MCFD2: variants seen among roughly 807,000 people sequenced by gnomAD.
The protein encoded by MCFD2 is multiple coagulation factor deficiency protein 2.
Under a neutral mutation model 12.8 loss-of-function variants are expected in MCFD2, and 11 were observed. The ratio of observed to expected loss-of-function variants is 0.86; its 90% CI spans 0.54 to 1.42. The LOEUF is 1.42. Among genes scored for constraint, MCFD2 ranks in the 40% most tolerant of loss-of-function variants. The pLI, the probability that MCFD2 is intolerant of heterozygous loss-of-function variation, is 0.00. For synonymous variants in MCFD2, 70 were observed against 68.1 expected (o/e 1.03, Z -0.14); for missense variants, 191 against 178.6 (o/e 1.07, Z -0.40).
chr2:46,931,555 A>C (rs1343889967), intron 1 of MCFD2, among the ~76,000 whole-genome samples: 1 of 152,168 alleles, frequency 6.6e-6, no homozygotes, highest in African/African-American at 2.4e-5. Context: ...ATGGAAGCAA[A>C]GGTTGGAGTG....
chr2:46,938,060 C>T (rs537075250), intron 1 of MCFD2, among the ~76,000 whole-genome samples: 1 of 151,818 alleles, frequency 6.6e-6, no homozygotes, highest in Non-Finnish European at 1.5e-5. Context: ...GGCCTTAAAC[C>T]AGAAATAGGG....
intron 1 of MCFD2, among the ~76,000 whole-genome samples, chr2:46,926,136 T>C (rs1669371462): frequency 6.6e-6 from 1 of 152,156 alleles, no homozygotes; most frequent in Admixed American, 6.5e-5. Flanking sequence ...TTTCTTAGCA[T>C]TCCCTCCACA....
At chr2:46,923,616 G>A (rs1485682759) in intron 1 of MCFD2, among the ~76,000 whole-genome samples, 1 of 152,160 alleles carries the variant, frequency 6.6e-6, no homozygotes, top group Non-Finnish European at 1.5e-5. Context: ...AATTGACCAG[G>A]TGTGATGGTT....
intron 1 of MCFD2, among the ~76,000 whole-genome samples, chr2:46,936,405 C>T (rs908205534): frequency 6.6e-6 from 1 of 152,086 alleles, no homozygotes; most frequent in African/African-American, 2.4e-5. Flanking sequence ...TTTTCTCAGA[C>T]GTGTCTTATT....
In MCFD2 at chr2:46,904,335, C is replaced by T; in HGVS notation, c.*1128G>A. 6.7e-6 allele frequency: 1 copy of T among 150,006 alleles called. No individual in the cohort carries two copies. The highest frequency in any genetic ancestry group is 1.4e-5 in the Non-Finnish European group (1 of 69,842). 9.3% of individuals were successfully genotyped at this position (150,006 alleles called of 1,614,324 possible). A position where few individuals can be genotyped will look rare whatever the true frequency, so the allele number is the denominator to read the frequency against. The stretch of plus-strand genomic sequence containing the variant: ...GCCTAGTGGAGCTGTGAGAAGAGGG[C>T]CACCGTCCTCCAGACCCCAGAATGG... On this transcript the variant is annotated 3_prime_UTR_variant, in exon 4 of 4. Coordinates refer to ENST00000319466, the MANE Select transcript of MCFD2 (RefSeq NM_139279.6).
chr2:46,907,994 G>A lies in MCFD2; in HGVS notation c.150-25C>T, dbSNP rs1341585752. ...CCTAAAAATCAACAGTCAGGTTCAG[G>A]CCAATTGACAGATACTGGGATCATG... On this transcript the variant is annotated intron_variant, in intron 2 of 3. Transcript: ENST00000319466. The surrounding 1 kb of genome is among the most constrained non-coding windows in gnomAD (Gnocchi z 4.1). The A allele has an allele frequency of 6.2e-7, 1 of 1,613,236 alleles. No individual in the cohort carries two copies. The highest frequency in any genetic ancestry group is 1.7e-5 in the Admixed American group (1 of 59,984).
chr2:46,908,945 A>G lies in MCFD2; in HGVS notation c.149+78T>C. On this transcript the variant is annotated intron_variant, in intron 2 of 3. Transcript: ENST00000319466. The surrounding 1 kb of genome is among the most constrained non-coding windows in gnomAD (Gnocchi z 4.5). Reference sequence around the variant, plus strand: ...TAGAAACAGGAAGAAGGAAAGGAGGACTGAGCATGCCCTTGCCGCTGGCTC... The same window carrying G: ...TAGAAACAGGAAGAAGGAAAGGAGGGCTGAGCATGCCCTTGCCGCTGGCTC... 1 of 1,567,652 alleles carries G rather than the reference A, an allele frequency of 6.4e-7. No individual in the cohort carries two copies.
chr2:46,932,680 C>T (rs1669769229), intron 1 of MCFD2, among the ~76,000 whole-genome samples: 1 of 151,982 alleles, frequency 6.6e-6, no homozygotes, highest in Non-Finnish European at 1.5e-5. Flanking sequence ...ATGGGTGGAT[C>T]ACCTGAGTTT....
intron 1 of MCFD2, among the ~76,000 whole-genome samples, chr2:46,921,777 T>C (rs1285115519): frequency 6.6e-6 from 1 of 152,200 alleles, no homozygotes; most frequent in Non-Finnish European, 1.5e-5. Flanking sequence ...ATTAGTTAGA[T>C]TCTCATAAGG....
At chr2:46,933,841 A>T (rs1669831839) in intron 1 of MCFD2, among the ~76,000 whole-genome samples, 1 of 152,222 alleles carries the variant, frequency 6.6e-6, no homozygotes, top group African/African-American at 2.4e-5. Flanking sequence ...GTGTCATAAA[A>T]AAGTCAGAGC....
At chr2:46,931,451 G>A (rs995653543) in intron 1 of MCFD2, among the ~76,000 whole-genome samples, 5 of 152,184 alleles carry the variant, frequency 3.3e-5, no homozygotes, top group Non-Finnish European at 7.3e-5. Flanking sequence ...TTGAGATGGG[G>A]AGATTATCTT....
intron 1 of MCFD2, among the ~76,000 whole-genome samples, chr2:46,929,648 T>C (rs1164058116): frequency 1.3e-5 from 2 of 152,204 alleles, no homozygotes; most frequent in African/African-American, 4.8e-5. Context: ...CACAGAAATA[T>C]ATATCCTTAA....
chr2:46,920,612 T>C (rs1329351488), upstream of MCFD2, among the ~76,000 whole-genome samples: 1 of 150,938 alleles, frequency 6.6e-6, no homozygotes, highest in East Asian at 1.9e-4. Context: ...ATTATAGGCA[T>C]GAACCACCAT....
chr2:46,930,506 T>C (rs1241573273), intron 1 of MCFD2, among the ~76,000 whole-genome samples: 1 of 149,972 alleles, frequency 6.7e-6, no homozygotes, highest in African/African-American at 2.5e-5. Context: ...AATTTTTTTT[T>C]TTTTTTTTTT....
In MCFD2 at chr2:46,940,332, C is replaced by T. The variant is rs925229225; in HGVS notation, c.-8+1240G>A. Reference sequence around the variant, plus strand: ...ACCATACAATGTGTCACTTAAATGCCGGTGGTTTTTGGTTTCGGGTCTTGC... The same window carrying T: ...ACCATACAATGTGTCACTTAAATGCTGGTGGTTTTTGGTTTCGGGTCTTGC... On this transcript the variant is annotated intron_variant, in intron 1 of 2. Coordinates refer to the MCFD2 transcript ENST00000409147. The surrounding 1 kb of genome is among the most constrained non-coding windows in gnomAD (Gnocchi z 4.7). 2.6e-5 allele frequency among the ~76,000 whole-genome samples: 4 copies of T among 152,134 alleles called. No individual in the cohort carries two copies. Among genetic ancestry groups the T allele is most frequent in the African/African-American group, 9.7e-5 (4 of 41,442 alleles).
intron 1 of MCFD2, among the ~76,000 whole-genome samples, chr2:46,924,626 C>CTT (rs1322616067): frequency 1.4e-5 from 2 of 147,616 alleles, no homozygotes; most frequent in Non-Finnish European, 3.0e-5. Context: ...TGGATATTTT[C>CTT]TTTTTTTTTT....
intron 1 of MCFD2, among the ~76,000 whole-genome samples, chr2:46,930,314 T>G (rs1166183908): frequency 6.6e-6 from 1 of 151,652 alleles, no homozygotes. Flanking sequence ...ATAATGAATA[T>G]GAATACCAGT....
At chr2:46,930,121 A>G (rs1381302164) in intron 1 of MCFD2, among the ~76,000 whole-genome samples, 1 of 152,242 alleles carries the variant, frequency 6.6e-6, no homozygotes, top group African/African-American at 2.4e-5. Flanking sequence ...ATTTAAGTAC[A>G]GAAGAAACTT....
rs1378573614 is a variant in MCFD2 at position 46,940,213 on chromosome 2, G to GAC, written c.-8+1357_-8+1358dup. 6.6e-6 allele frequency among the ~76,000 whole-genome samples: 1 copy of GAC among 152,116 alleles called. No homozygotes were observed. Among genetic ancestry groups the GAC allele is most frequent in the Non-Finnish European group, 1.5e-5 (1 of 68,006 alleles). ...CAAAAACACTTAGGGCAGTGGTGAAGACTCCAGAGGGAGGACGTGGAGCAC... is the reference window on the plus strand; with the variant it reads ...CAAAAACACTTAGGGCAGTGGTGAAGACACTCCAGAGGGAGGACGTGGAGCAC... On this transcript the variant is annotated intron_variant, in intron 1 of 2. Transcript: ENST00000409147. The surrounding 1 kb of genome is among the most constrained non-coding windows in gnomAD (Gnocchi z 4.7).
Sources: gnomAD v4.1 joint callset for allele counts (sites outside exome capture counted in the v4.1 genomes callset) on GRCh38, gnomAD v4.1.1 for gene constraint, Gnocchi (gnomAD v3.1) non-coding constraint, MANE v1.5 for transcripts, NCBI Gene and HGNC (gene_info 2026-07-23, HGNC 2026-07-21) for gene names.